AOAH: variants seen among roughly 807,000 people sequenced by gnomAD.
AOAH encodes acyloxyacyl hydrolase.
A neutral mutation model predicts 92.2 loss-of-function variants in AOAH; 64 were observed. That is an observed-to-expected ratio of 0.69 (90% CI 0.57 to 0.86). AOAH has a LOEUF of 0.86. AOAH is among the 40% of genes least tolerant of loss of function. AOAH has a pLI of 0.00. For synonymous variants in AOAH, 263 were observed against 254.5 expected, an observed-to-expected ratio of 1.03 and a Z score of -0.32; for missense variants, 656 against 694.6, an observed-to-expected ratio of 0.94 and a Z score of 0.62.
chr7:36,616,319 G>T, intron 11 of AOAH, 61 bp downstream of exon 11: 1 of 1,370,870 alleles, frequency 7.3e-7, no homozygotes, highest in Non-Finnish European at 1.0e-6. Context: ...TTTAGAGAGA[G>T]CAAGAGGAAA....
Position 36,614,287 on chromosome 7 carries a change from G to A in AOAH, c.846+2093C>T, listed in dbSNP as rs1554297862. Among the ~76,000 whole-genome samples, 1 of 152,154 alleles carries A rather than the reference G, an allele frequency of 6.6e-6. No individual in the cohort carries two copies. The highest frequency in any genetic ancestry group is 1.5e-5 in the Non-Finnish European group (1 of 68,028). ...ATAGGTCCATCCAGAAGTAATGGCT[G>A]TGAGCTGCTATTCCCTGTGCAGTGC... On this transcript the variant is annotated intron_variant, in intron 11 of 20. Coordinates refer to ENST00000617537, the MANE Select transcript of AOAH (RefSeq NM_001637.4). The surrounding 1 kb of genome is among the most constrained non-coding windows in gnomAD (Gnocchi z 4.2).
chr7:36,635,844 G>A (rs185309259), intron 5 of AOAH, among the ~76,000 whole-genome samples: 4 of 152,132 alleles, frequency 2.6e-5, no homozygotes, highest in Admixed American at 6.5e-5. Context: ...TATAAAATGG[G>A]GCTGATGACA....
chr7:36,634,619 C>T (rs1025682931), intron 5 of AOAH, among the ~76,000 whole-genome samples: 5 of 152,122 alleles, frequency 3.3e-5, no homozygotes, highest in East Asian at 1.9e-4. Flanking sequence ...GTTTTGTTTG[C>T]GGCTTGTCCT....
intron 3 of AOAH, among the ~76,000 whole-genome samples, chr7:36,668,090 T>C (rs1795658536): frequency 6.6e-6 from 1 of 152,220 alleles, no homozygotes; most frequent in South Asian, 2.1e-4. Flanking sequence ...TTTGTTACTG[T>C]TTTTTATTTG....
At chr7:36,711,967 G>A (rs1011104583) in intron 1 of AOAH, among the ~76,000 whole-genome samples, 1 of 152,268 alleles carries the variant, frequency 6.6e-6, no homozygotes, top group South Asian at 2.1e-4. Flanking sequence ...GGAAGGAAGA[G>A]GAAAAGCTAG....
intron 2 of AOAH, among the ~76,000 whole-genome samples, chr7:36,678,399 G>A (rs1255032569): frequency 6.6e-6 from 1 of 152,184 alleles, no homozygotes; most frequent in Non-Finnish European, 1.5e-5. Context: ...AAATGAAGGA[G>A]CTTTGGAAAA....
At chr7:36,601,403 CAGGCACCAGA>C (rs879766040) in intron 11 of AOAH, among the ~76,000 whole-genome samples, 38,337 of 151,730 alleles carry the variant, frequency 0.25, 5,421 homozygotes, top group Non-Finnish European at 0.32. Flanking sequence ...AGAGAAACAT[CAGGCACCAGA>C]CTGTGCTGGG....
At chr7:36,587,963 C>A (rs1789472251) in intron 12 of AOAH, among the ~76,000 whole-genome samples, 1 of 152,180 alleles carries the variant, frequency 6.6e-6, no homozygotes, top group Non-Finnish European at 1.5e-5. Context: ...GAAAAGTTAA[C>A]TCAGCTCTCA....
intron 2 of AOAH, among the ~76,000 whole-genome samples, chr7:36,679,240 C>A (rs977098101): frequency 1.3e-5 from 2 of 151,260 alleles, no homozygotes; most frequent in Admixed American, 6.6e-5. Context: ...CTGTCTTCCA[C>A]AATGGTTGAA....
intron 3 of AOAH, among the ~76,000 whole-genome samples, chr7:36,666,338 T>G (rs1005919265): frequency 6.6e-6 from 1 of 152,122 alleles, no homozygotes; most frequent in African/African-American, 2.4e-5. Flanking sequence ...GGCATAGAAT[T>G]ATTCATAATA....
rs1276296491 is a variant in AOAH, at chr7:36,563,462, C to T, written c.1021+13112G>A. Among the ~76,000 whole-genome samples, 4 of 152,124 alleles carry T rather than the reference C, an allele frequency of 2.6e-5. No individual in the cohort carries two copies. In the East Asian group the frequency reaches 7.7e-4, roughly 29 times the overall value. On this transcript the variant is annotated intron_variant, in intron 13 of 20. Coordinates refer to ENST00000617537, the MANE Select transcript of AOAH (RefSeq NM_001637.4). ...AACCTCACTGCTCATTTGGTGGTGG[C>T]CCTAATTCTGATTTTCTTCTTCACT...
chr7:36,648,394 A>T (rs150803238), intron 4 of AOAH, among the ~76,000 whole-genome samples: 1 of 151,470 alleles, frequency 6.6e-6, no homozygotes, highest in South Asian at 2.1e-4. Flanking sequence ...TCCCTAAACC[A>T]TTTGTTTGTG....
intron 16 of AOAH, among the ~76,000 whole-genome samples, chr7:36,537,777 C>T (rs767269821): frequency 1.3e-5 from 2 of 152,000 alleles, no homozygotes; most frequent in African/African-American, 2.4e-5. Context: ...CCCACCTTGG[C>T]CTCCCAAAGT....
intron 1 of AOAH, among the ~76,000 whole-genome samples, chr7:36,719,939 T>TAAA (rs34744842): frequency 6.9e-6 from 1 of 143,916 alleles, no homozygotes. Context: ...TTGTCTTTAT[T>TAAA]AAAAAAAAAA....
chr7:36,701,183 TTA>T (rs1798009798), intron 1 of AOAH, among the ~76,000 whole-genome samples: 1 of 152,010 alleles, frequency 6.6e-6, no homozygotes, highest in African/African-American at 2.4e-5. Context: ...ATTTCAATTT[TTA>T]AAAATGAATT....
At chr7:36,570,103 T>A (rs867555353) in intron 13 of AOAH, among the ~76,000 whole-genome samples, 29 of 152,072 alleles carry the variant, frequency 1.9e-4, no homozygotes, top group Middle Eastern at 3.2e-3. Context: ...ACACAACAGA[T>A]CCCTAGGATT....
intron 4 of AOAH, 55 bp downstream of exon 4, chr7:36,659,111 T>C (rs1795049556): frequency 6.9e-7 from 1 of 1,455,040 alleles, no homozygotes. Context: ...TTCTAACATT[T>C]CCAAAAGCCT....
intron 13 of AOAH, among the ~76,000 whole-genome samples, chr7:36,561,191 A>G (rs1787236765): frequency 6.6e-6 from 1 of 151,900 alleles, no homozygotes; most frequent in African/African-American, 2.4e-5. Flanking sequence ...ACCAGCACCC[A>G]CCAGCATGCC....
chr7:36,552,868 T>G (rs961789593), intron 13 of AOAH, among the ~76,000 whole-genome samples: 2 of 152,230 alleles, frequency 1.3e-5, no homozygotes, highest in African/African-American at 4.8e-5. Flanking sequence ...GATAATGGCC[T>G]TCAGCTGCCT....
Sources: allele counts gnomAD v4.1 joint callset (sites outside exome capture counted in the v4.1 genomes callset), GRCh38; gene constraint gnomAD v4.1.1; non-coding constraint Gnocchi (gnomAD v3.1); transcripts MANE v1.5; gene names NCBI Gene and HGNC (gene_info 2026-07-23, HGNC 2026-07-21).